The following HMCN2 variants were observed in gnomAD, a reference collection of about 807,000 sequenced individuals.
HMCN2 encodes the protein hemicentin-2.
In HMCN2, 325 loss-of-function variants were observed where a neutral mutation model predicts 377.5. The ratio of observed to expected loss-of-function variants is 0.86; its 90% CI spans 0.79 to 0.94. The LOEUF (loss-of-function observed/expected upper bound fraction) is 0.94, where lower values mean the gene tolerates loss of function less well. Among genes scored for constraint, HMCN2 ranks in the 40% least tolerant of loss-of-function variants. HMCN2 has a pLI of 0.00. For synonymous variants in HMCN2, 2,007 were observed against 2,046.8 expected, an observed-to-expected ratio of 0.98 and a Z score of 0.53; for missense variants, 4,543 against 4,725.3, an observed-to-expected ratio of 0.96 and a Z score of 1.13.
chr9:130,283,580 G>A (rs1554926520), intron 1 of HMCN2, among the ~76,000 whole-genome samples: 1 of 152,216 alleles, frequency 6.6e-6, no homozygotes, highest in African/African-American at 2.4e-5. Flanking sequence ...GTCTCAGACA[G>A]TTCCTTCCAA....
At chr9:130,344,758 T>C (rs1011009295) in intron 25 of HMCN2, among the ~76,000 whole-genome samples, 29 of 148,966 alleles carry the variant, frequency 1.9e-4, no homozygotes, top group African/African-American at 6.9e-4. Context: ...GTGTGTATGG[T>C]GTTTTGTGTG....
In HMCN2 at chr9:130,392,085, G is replaced by A. The variant is rs568331347; in HGVS notation, c.10103G>A (p.Arg3368His). ...GGCCTGCCCCTCCCGCTCTCCCAGC[G>A]CACCCTCCTCCACGGCTCTGGCCAC... ...KDGLPLPLSQ[R>H]TLLHGSGHTL... The change falls in exon 66 of 98, where the codon CGC (arginine) becomes CAC (histidine). Residue 3368 changes from arginine (R) to histidine (H), a missense_variant. By Grantham distance (29) the Arg-to-His change is conservative. Coordinates refer to ENST00000683500, the MANE Select transcript of HMCN2 (RefSeq NM_001291815.2). 32 of 988,490 alleles carry A rather than the reference G, an allele frequency of 3.2e-5. No homozygotes were observed. The African/African-American group carries it at 3.8e-4, about 12-fold the overall frequency. The allele number at this position is 988,490 out of a possible 1,614,324, so 61.2% of individuals were successfully genotyped here. A position where few individuals can be genotyped will look rare whatever the true frequency, so the allele number is the denominator to read the frequency against.
At chr9:130,431,547 G>A in intron 96 of HMCN2, 61 bp downstream of exon 96, 1 of 1,524,748 alleles carries the variant, frequency 6.6e-7, no homozygotes, top group Non-Finnish European at 8.8e-7. Context: ...AGCGTGGGAT[G>A]GGACATGTGG....
At chr9:130,355,134 T>C in intron 32 of HMCN2, 90 bp downstream of exon 32, 4 of 1,065,808 alleles carry the variant, frequency 3.8e-6, no homozygotes, top group Non-Finnish European at 4.8e-6. Context: ...GCTCCTGGAG[T>C]GGAGGGAGGG....
intron 1 of HMCN2, among the ~76,000 whole-genome samples, chr9:130,274,676 T>A (rs1320013024): frequency 1.3e-5 from 2 of 152,252 alleles, no homozygotes; most frequent in African/African-American, 4.8e-5. Flanking sequence ...TTCCAGATCT[T>A]GTGTGCATGT....
At chr9:130,410,525 T>A in intron 84 of HMCN2, 46 bp from the exon 85 acceptor site, 1 of 1,529,448 alleles carries the variant, frequency 6.5e-7, no homozygotes, top group Non-Finnish European at 8.9e-7. Flanking sequence ...GAGCCACTCA[T>A]CTTCTTCTCT....
At chr9:130,339,740 C>G in intron 23 of HMCN2, among the ~76,000 whole-genome samples, 1 of 152,246 alleles carries the variant, frequency 6.6e-6, no homozygotes, top group East Asian at 1.9e-4. Flanking sequence ...GGGGCATCCA[C>G]GCTCTCTGTG....
intron 84 of HMCN2, among the ~76,000 whole-genome samples, chr9:130,409,566 A>ATAAGAGCAGTAG (rs1419218945): frequency 2.0e-5 from 3 of 152,236 alleles, no homozygotes; most frequent in African/African-American, 7.2e-5. Context: ...AGGACTAGTA[A>ATAAGAGCAGTAG]TAAGAGCAGT....
intron 14 of HMCN2, 80 bp from the exon 15 acceptor site, chr9:130,309,832 A>G (rs1233760244): frequency 5.6e-6 from 2 of 357,720 alleles, no homozygotes; most frequent in East Asian, 8.7e-5. Context: ...CGCAGGAGCC[A>G]AGGGTCAGGC....
intron 34 of HMCN2, among the ~76,000 whole-genome samples, chr9:130,356,827 A>G (rs1379674790): frequency 2.0e-5 from 3 of 152,212 alleles, no homozygotes; most frequent in African/African-American, 7.2e-5. Flanking sequence ...GACTGTGTCC[A>G]GGGGCCCAGT....
chr9:130,395,929 C>G lies in HMCN2; in HGVS notation c.10917C>G (p.Asp3639Glu). The G allele has an allele frequency of 1.6e-6, 2 of 1,286,824 alleles. No homozygotes were observed. Among genetic ancestry groups the G allele is most frequent in the Non-Finnish European group, 2.0e-6 (2 of 988,302 alleles). 79.7% of individuals were successfully genotyped at this position (1,286,824 alleles called of 1,614,324 possible). A position where few individuals can be genotyped will look rare whatever the true frequency, so the allele number is the denominator to read the frequency against. Residue 3639 changes from aspartate (D) to glutamate (E), a missense_variant, in exon 72 of 98, where the codon GAC (aspartate) becomes GAG (glutamate). Physicochemically the swap from Asp to Glu is conservative, Grantham distance 45. Around this residue, in one of 5 missense-constraint regions of HMCN2, gnomAD observed 1,073 missense variants for 1,319.5 expected, o/e 0.81. Transcript: ENST00000683500. ...ACCCTGGCGGGGCTCTCCAGGAGGA[C>G]GCCCACACACAATTCCCGGAGCGGG... ...WHRDGIVLQE[D>E]AHTQFPERGR...
At chr9:130,359,857 C>T (rs1840265781) in intron 37 of HMCN2, among the ~76,000 whole-genome samples, 1 of 152,138 alleles carries the variant, frequency 6.6e-6, no homozygotes, top group Admixed American at 6.5e-5. Context: ...TAGGCCCACC[C>T]TGCTTTGCTT....
chr9:130,287,182 C>A (rs782063659), intron 4 of HMCN2, among the ~76,000 whole-genome samples: 54 of 152,304 alleles, frequency 3.5e-4, no homozygotes, highest in Non-Finnish European at 6.0e-4. Context: ...CACCTCTCAC[C>A]GCCAGGTCCC....
At chr9:130,342,056 T>TAAATAAATAAAAAAAA (rs1554947880) in intron 24 of HMCN2, among the ~76,000 whole-genome samples, 3 of 148,000 alleles carry the variant, frequency 2.0e-5, no homozygotes, top group African/African-American at 7.4e-5. Context: ...AATAAATAAA[T>TAAATAAATAAAAAAAA]AAATAAAAGC....
chr9:130,388,671 TG>T (rs1218638929), intron 62 of HMCN2, 131 bp downstream of exon 62: 10 of 417,194 alleles, frequency 2.4e-5, no homozygotes, highest in Non-Finnish European at 2.6e-5. Context: ...AGTGCCGTGT[TG>T]CCCCCCCCCC....
chr9:130,293,447 G>A (rs1835926795), intron 4 of HMCN2, among the ~76,000 whole-genome samples: 1 of 151,610 alleles, frequency 6.6e-6, no homozygotes, highest in African/African-American at 2.4e-5. Flanking sequence ...TGCACAGGAT[G>A]GACGCTCTTT....
At position 130,355,861 on chromosome 9, in the gene HMCN2, C is replaced by T. The variant is rs4412413; in HGVS notation, c.5255+7C>T. ...CCCCAGTACCCACTATCCAGTGAGT[C>T]TGGGGTGGTGGAGGCCAGGGCTGGG... On this transcript the variant is annotated splice_region_variant and intron_variant, in intron 33 of 97. Transcript: ENST00000683500. The T allele has an allele frequency of 6.2e-6, 8 of 1,287,080 alleles. No homozygotes were observed. Among genetic ancestry groups the T allele is most frequent in the Non-Finnish European group, 8.2e-6 (8 of 974,144 alleles). The allele number at this position is 1,287,080 out of a possible 1,614,324, so 79.7% of individuals were successfully genotyped here. A position where few individuals can be genotyped will look rare whatever the true frequency, so the allele number is the denominator to read the frequency against.
At chr9:130,398,153 CA>C (rs397940740) in intron 74 of HMCN2, among the ~76,000 whole-genome samples, 1,515 of 33,758 alleles carry the variant, frequency 0.045, 5 homozygotes, top group Non-Finnish European at 0.067. Context: ...ACTCCGTCTA[CA>C]AAAAAAAAAA....
chr9:130,317,467 ATCTCTCTCTCTCTCTCTC>A (rs1177875902), intron 15 of HMCN2, among the ~76,000 whole-genome samples: 12 of 123,334 alleles, frequency 9.7e-5, no homozygotes, highest in Non-Finnish European at 1.4e-4. Context: ...AGACCCCACC[ATCTCTCTCTCTCTCTCTC>A]TCTCTCTCTC....
Sources: allele counts gnomAD v4.1 joint callset (sites outside exome capture counted in the v4.1 genomes callset), GRCh38; gene constraint gnomAD v4.1.1; regional missense constraint gnomAD v4.1.1; transcripts MANE v1.5; gene names NCBI Gene and HGNC (gene_info 2026-07-23, HGNC 2026-07-21).